WDR49: variants seen among roughly 807,000 people sequenced by gnomAD.
The protein encoded by WDR49 is WD repeat domain 49, also known as cilia- and flagella-associated protein 337.
WDR49 carries 107 observed loss-of-function variants against 119.5 expected under a neutral mutation model. The observed-to-expected ratio is 0.90, with a 90% CI of 0.77 to 1.05. The LOEUF is 1.05. Ranked by LOEUF, WDR49 falls within the 50% of genes least tolerant of loss-of-function variation. WDR49 has a pLI of 0.00. For synonymous variants in WDR49, 425 were observed against 418.8 expected, an observed-to-expected ratio of 1.01 and a Z score of -0.18; for missense variants, 1,240 against 1,220.5, an observed-to-expected ratio of 1.02 and a Z score of -0.24.
intron 17 of WDR49, among the ~76,000 whole-genome samples, chr3:167,501,450 A>C (rs1751560979): frequency 6.6e-6 from 1 of 152,188 alleles, no homozygotes; most frequent in African/African-American, 2.4e-5. Context: ...GGCAGTAGTC[A>C]AAGTGCTTTA....
chr3:167,566,645 C>T (rs1345389657), intron 8 of WDR49, among the ~76,000 whole-genome samples: 1 of 151,956 alleles, frequency 6.6e-6, no homozygotes, highest in Non-Finnish European at 1.5e-5. Flanking sequence ...TGTATAATGT[C>T]GATCCCAAAA....
intron 3 of WDR49, among the ~76,000 whole-genome samples, chr3:167,621,988 CA>C (rs1457522489): frequency 2.0e-5 from 3 of 152,096 alleles, no homozygotes; most frequent in Non-Finnish European, 4.4e-5. Context: ...AGAAACTTTA[CA>C]AACCATGTTT....
chr3:167,518,136 T>C (rs1258505602), intron 16 of WDR49, among the ~76,000 whole-genome samples: 2 of 151,982 alleles, frequency 1.3e-5, no homozygotes, highest in Admixed American at 6.6e-5. Flanking sequence ...TCTATCATTG[T>C]TGGACATTTG....
intron 5 of WDR49, among the ~76,000 whole-genome samples, chr3:167,610,920 G>A (rs553724334): frequency 6.6e-6 from 1 of 152,300 alleles, no homozygotes; most frequent in East Asian, 1.9e-4. Context: ...AATTTTCCCA[G>A]ATCTGGTCTG....
chr3:167,525,356 A>T (rs1449041038), intron 15 of WDR49, among the ~76,000 whole-genome samples: 1 of 152,084 alleles, frequency 6.6e-6, no homozygotes. Context: ...ATGCAAACAG[A>T]GACAATTTGA....
chr3:167,645,044 T>C (rs909365595), intron 2 of WDR49, among the ~76,000 whole-genome samples: 1 of 151,998 alleles, frequency 6.6e-6, no homozygotes, highest in Admixed American at 6.6e-5. Context: ...TATGTGTATA[T>C]ATGGATAAAA....
At chr3:167,624,748 A>T (rs552260177) in intron 3 of WDR49, among the ~76,000 whole-genome samples, 1 of 152,244 alleles carries the variant, frequency 6.6e-6, no homozygotes, top group East Asian at 1.9e-4. Flanking sequence ...TGCAAAACAA[A>T]TATTATATGA....
chr3:167,505,191 T>G, intron 17 of WDR49, 116 bp downstream of exon 17: 1 of 1,226,106 alleles, frequency 8.2e-7, no homozygotes, highest in Non-Finnish European at 1.0e-6. Flanking sequence ...CACAGAACAT[T>G]ACATTCATGT....
Position 167,572,300 on chromosome 3 carries a change from G to C in WDR49, c.1509+3618C>G, listed in dbSNP as rs148956321. 4.3e-4 allele frequency among the ~76,000 whole-genome samples: 66 copies of C among 152,302 alleles called. 1 individual carries two copies. Among genetic ancestry groups the C allele is most frequent in the African/African-American group, 1.4e-3 (60 of 41,580 alleles). ...GCTTAACATCACTTTCCCAGACTAG[G>C]ATTCAAGGGTATCAAAAGACAGGAA... On this transcript the variant is annotated intron_variant, in intron 8 of 18. Coordinates refer to ENST00000682715, the MANE Select transcript of WDR49 (RefSeq NM_001366157.1).
chr3:167,559,989 A>C (rs1577240009), intron 9 of WDR49, 75 bp downstream of exon 9: 1 of 1,505,886 alleles, frequency 6.6e-7, no homozygotes, highest in East Asian at 2.4e-5. Flanking sequence ...AAATGAGAAT[A>C]TCTATAGCCA....
chr3:167,539,866 A>T (rs1711678743), intron 10 of WDR49, among the ~76,000 whole-genome samples: 1 of 152,188 alleles, frequency 6.6e-6, no homozygotes, highest in Non-Finnish European at 1.5e-5. Flanking sequence ...GTTCTAGAAG[A>T]GCAAATACTT....
chr3:167,609,187 G>A (rs963297365), intron 5 of WDR49, among the ~76,000 whole-genome samples: 4 of 150,890 alleles, frequency 2.7e-5, no homozygotes, highest in Admixed American at 1.3e-4. Context: ...AGGACACCAA[G>A]TTAACAATCT....
chr3:167,540,040 A>C (rs1354580206), intron 10 of WDR49, among the ~76,000 whole-genome samples: 4 of 152,084 alleles, frequency 2.6e-5, no homozygotes, highest in South Asian at 4.1e-4. Flanking sequence ...CAGGTGAAAA[A>C]CTGGTGCTTT....
chr3:167,613,175 C>T (rs1306068443), intron 5 of WDR49, among the ~76,000 whole-genome samples: 4 of 152,072 alleles, frequency 2.6e-5, no homozygotes, highest in Non-Finnish European at 5.9e-5. Flanking sequence ...ATATATACAC[C>T]TACTCTGTAT....
At chr3:167,497,496 A>C (rs1018479437) in intron 18 of WDR49, among the ~76,000 whole-genome samples, 3 of 152,112 alleles carry the variant, frequency 2.0e-5, no homozygotes, top group Non-Finnish European at 4.4e-5. Context: ...CTGCCCAGCC[A>C]TTAACCCCAC....
intron 18 of WDR49, among the ~76,000 whole-genome samples, chr3:167,481,084 C>G (rs1447713164): frequency 6.7e-6 from 1 of 149,212 alleles, no homozygotes; most frequent in Non-Finnish European, 1.5e-5. Flanking sequence ...AAAAAAATCA[C>G]CTCATTAAAG....
chr3:167,511,803 G>A (rs1208483006), intron 16 of WDR49, among the ~76,000 whole-genome samples: 4 of 152,174 alleles, frequency 2.6e-5, no homozygotes, highest in African/African-American at 9.7e-5. Context: ...TTTGGCCTGG[G>A]AGGAATTCCC....
At chr3:167,504,903 T>C (rs1751707501) in intron 17 of WDR49, among the ~76,000 whole-genome samples, 1 of 152,170 alleles carries the variant, frequency 6.6e-6, no homozygotes, top group Non-Finnish European at 1.5e-5. Flanking sequence ...CACTCCCTCT[T>C]GCTCCTGCTG....
At position 167,528,024 on chromosome 3, in the gene WDR49, G is replaced by T. The variant is rs1262768390; in HGVS notation, c.2407-7C>A. 6.2e-7 allele frequency: 1 copy of T among 1,606,218 alleles called. No individual in the cohort carries two copies. Among genetic ancestry groups the T allele is most frequent in the Non-Finnish European group, 8.5e-7 (1 of 1,175,280 alleles). On this transcript the variant is annotated splice_region_variant and splice_polypyrimidine_tract_variant and intron_variant, in intron 14 of 18. Transcript: ENST00000682715. ...TGGAGTTAAGACAGTACTCCTGAAT[G>T]AAAAGAAATACCAGAACTCTAAAAA... is the stretch of plus-strand genomic sequence containing the variant.
Sources: allele counts gnomAD v4.1 joint callset (sites outside exome capture counted in the v4.1 genomes callset), GRCh38; gene constraint gnomAD v4.1.1; transcripts MANE v1.5; gene names NCBI Gene and HGNC (gene_info 2026-07-23, HGNC 2026-07-21).